The following C14orf119 variants were observed in gnomAD, a reference collection of about 807,000 sequenced individuals.
C14orf119 encodes uncharacterized protein C14orf119.
A neutral mutation model predicts 13.5 loss-of-function variants in C14orf119; 17 were observed. The observed-to-expected ratio is 1.26, with a 90% CI of 0.86 to 1.88. The LOEUF (loss-of-function observed/expected upper bound fraction) is 1.88. Among genes scored for constraint, C14orf119 ranks in the 40% most tolerant of loss-of-function variants. The pLI is 0.00. For synonymous variants in C14orf119, 61 were observed against 61.9 expected, an observed-to-expected ratio of 0.99 and a Z score of 0.07; for missense variants, 162 against 165.9, an observed-to-expected ratio of 0.98 and a Z score of 0.13.
chr14:23,099,624 A>C lies in C14orf119; in HGVS notation c.*1543A>C, dbSNP rs558291196. 2 of 366,528 alleles carry C rather than the reference A, an allele frequency of 5.5e-6. No individual in the cohort carries two copies. Among genetic ancestry groups the C allele is most frequent in the South Asian group, 3.3e-4 (2 of 6,122 alleles). The allele number at this position is 366,528 out of a possible 1,614,324, so 22.7% of individuals were successfully genotyped here. ...GCCCAGGCTGGAGTGCAGTGGTGTG[A>C]TCTTGGCTCACCGTAATCTCCGCCT... is the stretch of plus-strand genomic sequence containing the variant. On this transcript the variant is annotated 3_prime_UTR_variant, in exon 2 of 2. Coordinates refer to ENST00000319074, the MANE Select transcript of C14orf119 (RefSeq NM_017924.4).
At position 23,099,049 on chromosome 14, in the gene C14orf119, A is replaced by G; in HGVS notation, c.*968A>G. The G allele has an allele frequency of 2.9e-6, 1 of 348,244 alleles. No homozygotes were observed. Among genetic ancestry groups the G allele is most frequent in the Non-Finnish European group, 5.4e-6 (1 of 185,490 alleles). 21.6% of individuals were successfully genotyped at this position (348,244 alleles called of 1,614,324 possible). On this transcript the variant is annotated 3_prime_UTR_variant, in exon 2 of 2. Coordinates refer to ENST00000319074, the MANE Select transcript of C14orf119 (RefSeq NM_017924.4). ...GTAAGTTTGCTTTACAACAATACGA[A>G]AATAAGTGACAATTTACAGGTTGAA...
intron 1 of C14orf119, among the ~76,000 whole-genome samples, chr14:23,096,276 G>A (rs962449594): frequency 6.6e-6 from 1 of 152,150 alleles, no homozygotes; most frequent in Non-Finnish European, 1.5e-5. Flanking sequence ...CAGCACTTTG[G>A]GAGGCCGAGG....
Position 23,097,969 on chromosome 14 carries a change from G to A in C14orf119, c.311G>A (p.Arg104Gln), listed in dbSNP as rs769214315. The change falls in exon 2 of 2, where the codon CGA (arginine) becomes CAA (glutamine). Residue 104 changes from arginine (R) to glutamine (Q), a missense_variant. Transcript: ENST00000319074. ...CTACATCTTTGGGATCAGTGGTTTC[G>A]AGGCTGGGCTGAGCAGGAGCGCAAT... ...CQLHLWDQWF[R>Q]GWAEQERNEF... The A allele has an allele frequency of 5.0e-6, 8 of 1,614,064 alleles. No individual in the cohort carries two copies. In the East Asian group the frequency reaches 1.1e-4, roughly 22 times the overall value.
chr14:23,100,298 T>C lies in C14orf119; in HGVS notation c.*2217T>C. 1 of 398,682 alleles carries C rather than the reference T, an allele frequency of 2.5e-6. No individual in the cohort carries two copies. Among genetic ancestry groups the C allele is most frequent in the East Asian group, 3.7e-5 (1 of 26,918 alleles). The allele number at this position is 398,682 out of a possible 1,614,324, so 24.7% of individuals were successfully genotyped here. A position where few individuals can be genotyped will look rare whatever the true frequency, so the allele number is the denominator to read the frequency against. On this transcript the variant is annotated 3_prime_UTR_variant, in exon 2 of 2. Transcript: ENST00000319074. Reference sequence around the variant, plus strand: ...GGTGGGGGGAGGGGACTAAGATCCCTATGTCCTAGAGATGGGGGAATGTGT... The same window carrying C: ...GGTGGGGGGAGGGGACTAAGATCCCCATGTCCTAGAGATGGGGGAATGTGT...
intron 1 of C14orf119, among the ~76,000 whole-genome samples, chr14:23,096,401 C>T (rs988708744): frequency 6.6e-6 from 1 of 151,496 alleles, no homozygotes; most frequent in Non-Finnish European, 1.5e-5. Context: ...CGCCTATAGT[C>T]CCAGCTACTC....
Position 23,099,388 on chromosome 14 carries a change from G to T in C14orf119, c.*1307G>T, listed in dbSNP as rs58831255. 1,838 of 413,404 alleles carry T rather than the reference G, an allele frequency of 4.4e-3. 59 individuals carry two copies. The East Asian group carries it at 0.049, about 11-fold the overall frequency. The allele number at this position is 413,404 out of a possible 1,614,324, so 25.6% of individuals were successfully genotyped here. On this transcript the variant is annotated 3_prime_UTR_variant, in exon 2 of 2. Transcript: ENST00000319074. ...AAGAGTGGCTCTTTTCTGGTAGGCT[G>T]TGGTTCCCATTACACCCACCAGGAT...
At chr14:23,095,743 C>A (rs545118396) in intron 1 of C14orf119, 124 bp downstream of exon 1, 1 of 161,802 alleles carries the variant, frequency 6.2e-6, no homozygotes, top group Non-Finnish European at 1.4e-5. Flanking sequence ...TGAATCATAG[C>A]CACTCCCATC....
rs777104747 is a variant in C14orf119 at position 23,097,974 on chromosome 14, T to C, written c.316T>C (p.Trp106Arg). The C allele has an allele frequency of 5.6e-6, 9 of 1,614,112 alleles. No homozygotes were observed. In the South Asian group the frequency reaches 8.8e-5, roughly 16 times the overall value. The change falls in exon 2 of 2, where the codon TGG becomes CGG. Residue 106 changes from tryptophan (W) to arginine (R), a missense_variant. By Grantham distance (101) the Trp-to-Arg change is moderately radical. Coordinates refer to ENST00000319074, the MANE Select transcript of C14orf119 (RefSeq NM_017924.4). ...LHLWDQWFRG[W>R]AEQERNEFVR... Reference sequence around the variant, plus strand: ...TCTTTGGGATCAGTGGTTTCGAGGCTGGGCTGAGCAGGAGCGCAATGAATT... The same window carrying C: ...TCTTTGGGATCAGTGGTTTCGAGGCCGGGCTGAGCAGGAGCGCAATGAATT...
At chr14:23,095,706 C>G (rs2048359400) in intron 1 of C14orf119, 87 bp downstream of exon 1, 1 of 170,520 alleles carries the variant, frequency 5.9e-6, no homozygotes, top group African/African-American at 2.4e-5. Flanking sequence ...CACTCCTTAA[C>G]GCAAACAGCT....
Position 23,098,204 on chromosome 14 carries a change from C to A in C14orf119, c.*123C>A. ...GGTATTCCAACCAGCTGACCGAACT[C>A]ACTGACCAGTACAGGCATGGTTATT... On this transcript the variant is annotated 3_prime_UTR_variant, in exon 2 of 2. Coordinates refer to ENST00000319074, the MANE Select transcript of C14orf119 (RefSeq NM_017924.4). 4 of 984,330 alleles carry A rather than the reference C, an allele frequency of 4.1e-6. No homozygotes were observed. In the South Asian group the frequency reaches 4.7e-5, roughly 12 times the overall value. 61.0% of individuals were successfully genotyped at this position (984,330 alleles called of 1,614,324 possible). A position where few individuals can be genotyped will look rare whatever the true frequency, so the allele number is the denominator to read the frequency against.
In C14orf119 at chr14:23,097,821, G is replaced by T. The variant is rs371331773; in HGVS notation, c.163G>T (p.Glu55Ter). The T allele has an allele frequency of 1.9e-6, 3 of 1,614,094 alleles. No homozygotes were observed. The highest frequency in any genetic ancestry group is 2.5e-6 in the Non-Finnish European group (3 of 1,180,042). The change falls in exon 2 of 2, where the codon GAA (glutamate) becomes TAA (stop). Residue 55 changes from glutamate (E) to a stop codon, truncating the protein, a stop_gained. Transcript: ENST00000319074. LOFTEE classifies it high-confidence loss of function. ...TGCCAATTGGTCAGGTCCCCAGCGT[G>T]AACGTTTCCTAGAGGACCTGGTAGC... The part of the protein sequence containing the change: ...WFANWSGPQR[E>*]RFLEDLVAKA...
chr14:23,095,588 A>G lies in C14orf119; in HGVS notation c.-33A>G. 1 of 387,272 alleles carries G rather than the reference A, an allele frequency of 2.6e-6. No individual in the cohort carries two copies. The highest frequency in any genetic ancestry group is 4.7e-6 in the Non-Finnish European group (1 of 211,112). The allele number at this position is 387,272 out of a possible 1,614,324, so 24.0% of individuals were successfully genotyped here. On this transcript the variant is annotated 5_prime_UTR_variant, in exon 1 of 2. Coordinates refer to ENST00000319074, the MANE Select transcript of C14orf119 (RefSeq NM_017924.4). Reference sequence around the variant, plus strand: ...AGTTGGAGTCTAAGGACTCGTGACAATCTTCGGGTGCCCTTCGAGAGAAAA... The same window carrying G: ...AGTTGGAGTCTAAGGACTCGTGACAGTCTTCGGGTGCCCTTCGAGAGAAAA...
chr14:23,096,455 G>A (rs1053120578), intron 1 of C14orf119, among the ~76,000 whole-genome samples: 3 of 135,112 alleles, frequency 2.2e-5, no homozygotes, highest in Admixed American at 8.1e-5. Context: ...GGAAGCAGTG[G>A]TTGAGATCAC....
rs201590554 is a variant in C14orf119 at position 23,097,824 on chromosome 14, C to T, written c.166C>T (p.Arg56Cys). The change falls in exon 2 of 2, where the codon CGT becomes TGT. Residue 56 changes from arginine to cysteine, a missense_variant. Physicochemically the swap from Arg to Cys is radical, Grantham distance 180. Transcript: ENST00000319074. ...FANWSGPQRE[R>C]FLEDLVAKAV... Reference sequence around the variant, plus strand: ...CAATTGGTCAGGTCCCCAGCGTGAACGTTTCCTAGAGGACCTGGTAGCTAA... The same window carrying T: ...CAATTGGTCAGGTCCCCAGCGTGAATGTTTCCTAGAGGACCTGGTAGCTAA... 2.7e-5 allele frequency: 44 copies of T among 1,614,188 alleles called. No individual in the cohort carries two copies. The East Asian group carries it at 8.5e-4, about 31-fold the overall frequency.
rs1287010657 is a variant in C14orf119 at position 23,098,561 on chromosome 14, G to A, written c.*480G>A. On this transcript the variant is annotated 3_prime_UTR_variant, in exon 2 of 2. Coordinates refer to ENST00000319074, the MANE Select transcript of C14orf119 (RefSeq NM_017924.4). Reference sequence around the variant, plus strand: ...TAATTGTGTGATACGCAAACCATTAGTTTTCCCAGTGATGATTTAATAAAA... The same window carrying A: ...TAATTGTGTGATACGCAAACCATTAATTTTCCCAGTGATGATTTAATAAAA... 1 of 172,580 alleles carries A rather than the reference G, an allele frequency of 5.8e-6. No individual in the cohort carries two copies. The highest frequency in any genetic ancestry group is 2.4e-5 in the African/African-American group (1 of 41,432). The allele number at this position is 172,580 out of a possible 1,614,324, so 10.7% of individuals were successfully genotyped here. A position where few individuals can be genotyped will look rare whatever the true frequency, so the allele number is the denominator to read the frequency against.
chr14:23,097,415 G>A (rs375443633), intron 1 of C14orf119, among the ~76,000 whole-genome samples: 1 of 152,162 alleles, frequency 6.6e-6, no homozygotes, highest in Admixed American at 6.5e-5. Context: ...GGAAGACAGT[G>A]GGTGGGGAAG....
rs1382549846 is a variant in C14orf119, at chr14:23,098,239, A to G, written c.*158A>G. The G allele has an allele frequency of 7.2e-6, 5 of 690,578 alleles. No homozygotes were observed. Among genetic ancestry groups the G allele is most frequent in the African/African-American group, 5.4e-5 (3 of 55,230 alleles). 42.8% of individuals were successfully genotyped at this position (690,578 alleles called of 1,614,324 possible). A position where few individuals can be genotyped will look rare whatever the true frequency, so the allele number is the denominator to read the frequency against. ...TACAGGCATGGTTATTTCAACATTA[A>G]TAGCATGTCAACTGGACTCCTATTT... On this transcript the variant is annotated 3_prime_UTR_variant, in exon 2 of 2. Transcript: ENST00000319074.
intron 1 of C14orf119, 166 bp from the exon 2 acceptor site, chr14:23,097,492 G>A: frequency 1.6e-6 from 1 of 606,926 alleles, no homozygotes; most frequent in Non-Finnish European, 2.8e-6. Flanking sequence ...TAAGGTAGTT[G>A]GATAATAATC....
chr14:23,096,543 C>T lies in C14orf119; in HGVS notation c.-2+924C>T, dbSNP rs59095461. Among the ~76,000 whole-genome samples, 28 of 144,718 alleles carry T rather than the reference C, an allele frequency of 1.9e-4. No individual in the cohort carries two copies. The East Asian group carries it at 5.0e-3, about 26-fold the overall frequency. The allele number at this position is 144,718 out of a possible 152,430, so 94.9% of individuals were successfully genotyped here. Reference sequence around the variant, plus strand: ...AAAAAAAAAAAAAAAAATTGCAAGGCACCAATAGATACCATACTAAAAAAA... The same window carrying T: ...AAAAAAAAAAAAAAAAATTGCAAGGTACCAATAGATACCATACTAAAAAAA... On this transcript the variant is annotated intron_variant, in intron 1 of 1. Coordinates refer to ENST00000319074, the MANE Select transcript of C14orf119 (RefSeq NM_017924.4).
Sources: gnomAD v4.1 joint callset for allele counts (sites outside exome capture counted in the v4.1 genomes callset) on GRCh38, gnomAD v4.1.1 for gene constraint, MANE v1.5 for transcripts, NCBI Gene and HGNC (gene_info 2026-07-23, HGNC 2026-07-21) for gene names.